The following CNIH3 variants were observed in gnomAD, a reference collection of about 807,000 sequenced individuals.
The protein encoded by CNIH3 is cornichon family AMPA receptor auxiliary protein 3.
Under a neutral mutation model 24.1 loss-of-function variants are expected in CNIH3, and 14 were observed. That is an observed-to-expected ratio of 0.58 (90% CI 0.38 to 0.91). The LOEUF is 0.91. CNIH3 is among the 40% of genes least tolerant of loss of function. The pLI is 0.00. For missense variants in CNIH3, 178 were observed against 196.8 expected (o/e 0.90, Z 0.57); for synonymous variants, 68 against 73.8 (o/e 0.92, Z 0.40).
intron 1 of CNIH3, among the ~76,000 whole-genome samples, chr1:224,653,422 C>CAAA (rs60825350): frequency 0.088 from 10,073 of 114,086 alleles, 501 homozygotes; most frequent in Middle Eastern, 0.16. Context: ...AACTCCACCT[C>CAAA]AAAAAAAAAA....
chr1:224,515,683 G>T (rs1678351591), upstream of CNIH3: 1 of 152,118 alleles, frequency 6.6e-6, no homozygotes, highest in Non-Finnish European at 1.5e-5. Context: ...CCACTTTGGG[G>T]ATAGTTAAAC....
At chr1:224,717,639 A>G (rs1419119208) in intron 3 of CNIH3, 1 of 152,096 alleles carries the variant, frequency 6.6e-6, no homozygotes, top group East Asian at 1.9e-4. Context: ...ATCTCTCCCG[A>G]TCTATTGTAA....
rs544003545 is a variant in CNIH3 at position 224,471,938 on chromosome 1, C to A, written n.203+37076C>A. 1.8e-4 allele frequency among the ~76,000 whole-genome samples: 28 copies of A among 152,164 alleles called. 1 individual carries two copies. The highest frequency in any genetic ancestry group is 6.5e-4 in the African/African-American group (27 of 41,520). On this transcript the variant is annotated intron_variant and non_coding_transcript_variant, in intron 1 of 5. Transcript: ENST00000471578. ...AATAGTACTCCATTGTGTATATGTA[C>A]CACATTTTCTTTATCCATTCATTTG...
intron 4 of CNIH3, among the ~76,000 whole-genome samples, chr1:224,577,031 C>T (rs1256257016): frequency 4.6e-5 from 7 of 152,130 alleles, no homozygotes; most frequent in Admixed American, 3.9e-4. Context: ...ATGAAGCTGG[C>T]TCCTCATCTC....
intron 1 of CNIH3, among the ~76,000 whole-genome samples, chr1:224,634,579 A>T (rs1273372886): frequency 1.6e-5 from 2 of 125,980 alleles, no homozygotes; most frequent in African/African-American, 3.3e-5. Context: ...TCTCCAAAAA[A>T]AAAAATAAAA....
In CNIH3 at chr1:224,684,714, G is replaced by A. The variant is rs2125149504; in HGVS notation, c.151-82G>A. On this transcript the variant is annotated intron_variant, in intron 2 of 5. Transcript: ENST00000272133. This position sits in a 1 kb window ranked among gnomAD's most constrained non-coding sequence, Gnocchi z 4.2. ...CTGGTGGCTTCTGCCTCCACTATTG[G>A]GGCTGATTGCGGGGCCTTCTCATGC... 7.9e-7 allele frequency: 1 copy of A among 1,265,366 alleles called. No individual in the cohort carries two copies. 78.4% of individuals were successfully genotyped at this position (1,265,366 alleles called of 1,614,324 possible). A position where few individuals can be genotyped will look rare whatever the true frequency, so the allele number is the denominator to read the frequency against.
At chr1:224,462,637 A>ATT (rs34550181) in intron 1 of CNIH3, among the ~76,000 whole-genome samples, 8,400 of 119,318 alleles carry the variant, frequency 0.07, 628 homozygotes, top group East Asian at 0.18. Flanking sequence ...TCTGGACCCA[A>ATT]TTTTTTTTTT....
intron 3 of CNIH3, among the ~76,000 whole-genome samples, chr1:224,720,265 T>TC (rs920134935): frequency 3.3e-5 from 5 of 151,826 alleles, no homozygotes; most frequent in Admixed American, 1.3e-4. Flanking sequence ...TTTTTTTTTT[T>TC]TTTCTTGGAA....
intron 1 of CNIH3, among the ~76,000 whole-genome samples, chr1:224,665,648 G>C (rs941563981): frequency 6.6e-6 from 1 of 152,124 alleles, no homozygotes; most frequent in Admixed American, 6.5e-5. Context: ...TGCATTCTTT[G>C]CATCTACTTA....
At chr1:224,548,156 G>A (rs916938869) in intron 3 of CNIH3, among the ~76,000 whole-genome samples, 5 of 151,224 alleles carry the variant, frequency 3.3e-5, no homozygotes, top group South Asian at 2.1e-4. Flanking sequence ...GCATACCCTC[G>A]GATATTTTTT....
chr1:224,489,988 A>G (rs1677180655), intron 1 of CNIH3, among the ~76,000 whole-genome samples: 1 of 152,224 alleles, frequency 6.6e-6, no homozygotes. Context: ...TCAGTGGGAC[A>G]CAAACATTCA....
intron 1 of CNIH3, among the ~76,000 whole-genome samples, chr1:224,451,827 G>C (rs533700726): frequency 2.0e-5 from 3 of 152,242 alleles, no homozygotes; most frequent in African/African-American, 7.2e-5. Context: ...GTGGTGACCC[G>C]ATGACTTCTT....
At chr1:224,556,006 T>C (rs1680123328) in intron 3 of CNIH3, among the ~76,000 whole-genome samples, 1 of 152,192 alleles carries the variant, frequency 6.6e-6, no homozygotes, top group Non-Finnish European at 1.5e-5. Context: ...CAGGCGGAGC[T>C]GAGTGAAGAC....
intron 3 of CNIH3, among the ~76,000 whole-genome samples, chr1:224,705,374 C>A (rs1301282815): frequency 6.6e-6 from 1 of 152,262 alleles, no homozygotes. Context: ...GGGCGCTGGC[C>A]TGGAGCCCCC....
chr1:224,712,378 T>C (rs2125203818), intron 3 of CNIH3, among the ~76,000 whole-genome samples: 1 of 152,320 alleles, frequency 6.6e-6, no homozygotes. Flanking sequence ...GCTGAAGGTC[T>C]TGTCCTGCTG....
intron 1 of CNIH3, among the ~76,000 whole-genome samples, chr1:224,677,872 C>G (rs766319996): frequency 1.1e-3 from 163 of 152,304 alleles, no homozygotes; most frequent in Non-Finnish European, 2.0e-3. Context: ...ATGTGGGGCA[C>G]TAACAGTTGT....
chr1:224,648,820 G>A (rs1684739289), intron 1 of CNIH3, among the ~76,000 whole-genome samples: 5 of 152,134 alleles, frequency 3.3e-5, no homozygotes, highest in Admixed American at 3.3e-4. Flanking sequence ...TTCCTTCCTG[G>A]TAGGACAAGA....
At chr1:224,525,430 G>A (rs1434546238) in intron 2 of CNIH3, among the ~76,000 whole-genome samples, 1 of 152,152 alleles carries the variant, frequency 6.6e-6, no homozygotes, top group African/African-American at 2.4e-5. Context: ...CATTGCTCAG[G>A]TCCGCATAGC....
At chr1:224,638,962 GT>G (rs1342448213) in intron 1 of CNIH3, among the ~76,000 whole-genome samples, 1 of 152,132 alleles carries the variant, frequency 6.6e-6, no homozygotes, top group African/African-American at 2.4e-5. Flanking sequence ...TTACCTGCCA[GT>G]TTCCCTTTTG....
Sources: gnomAD v4.1 joint callset for allele counts (sites outside exome capture counted in the v4.1 genomes callset) on GRCh38, gnomAD v4.1.1 for gene constraint, Gnocchi (gnomAD v3.1) non-coding constraint, MANE v1.5 for transcripts, NCBI Gene and HGNC (gene_info 2026-07-23, HGNC 2026-07-21) for gene names.